Variants in CSMD2 observed in about 807,000 individuals in gnomAD.
CSMD2 encodes the protein CUB and sushi domain-containing protein 2.
Under a neutral mutation model 398.5 loss-of-function variants are expected in CSMD2, and 130 were observed. The observed-to-expected ratio is 0.33, with a 90% CI of 0.28 to 0.38. CSMD2 has a LOEUF of 0.38. CSMD2 is among the 10% of genes least tolerant of loss of function. The pLI is 1.00. For missense variants in CSMD2, 3,829 were observed against 4,764.9 expected (o/e 0.80, Z 5.78); for synonymous variants, 1,828 against 1,908.5 (o/e 0.96, Z 1.10).
chr1:33,654,367 T>A (rs957377462), intron 27 of CSMD2, among the ~76,000 whole-genome samples: 1 of 152,288 alleles, frequency 6.6e-6, no homozygotes, highest in East Asian at 1.9e-4. Context: ...CAAACTCACA[T>A]GGGACTGGCT....
At chr1:33,592,998 G>A (rs1639577189) in intron 44 of CSMD2, among the ~76,000 whole-genome samples, 1 of 151,680 alleles carries the variant, frequency 6.6e-6, no homozygotes, top group South Asian at 2.1e-4. Context: ...CATGATCTTA[G>A]CAGCATTATT....
At chr1:34,106,692 A>G (rs1036138294) in intron 1 of CSMD2, among the ~76,000 whole-genome samples, 1 of 152,202 alleles carries the variant, frequency 6.6e-6, no homozygotes, top group African/African-American at 2.4e-5. Flanking sequence ...GGACCTGGAT[A>G]CAAAACGGGT....
intron 13 of CSMD2, among the ~76,000 whole-genome samples, chr1:33,748,967 C>T (rs905996131): frequency 1.3e-5 from 2 of 151,326 alleles, no homozygotes; most frequent in Admixed American, 1.3e-4. Context: ...GTTCACAGTA[C>T]AAATAAACTA....
intron 66 of CSMD2, 67 bp downstream of exon 66, chr1:33,524,815 G>C: frequency 1.3e-6 from 2 of 1,519,446 alleles, no homozygotes; most frequent in African/African-American, 1.4e-5. Context: ...ATGCCATTAG[G>C]CTCATCCTTG....
At chr1:33,549,885 T>C (rs746851257) in intron 56 of CSMD2, among the ~76,000 whole-genome samples, 2 of 152,200 alleles carry the variant, frequency 1.3e-5, no homozygotes, top group Admixed American at 6.5e-5. Context: ...ATCAAGTGTC[T>C]GGACAGGACT....
At chr1:34,030,207 T>C (rs1650232958) in intron 3 of CSMD2, among the ~76,000 whole-genome samples, 1 of 152,238 alleles carries the variant, frequency 6.6e-6, no homozygotes, top group Admixed American at 6.5e-5. Context: ...TATTCAATTT[T>C]AGTTAATTTA....
rs371468856 is a variant in CSMD2, at chr1:33,537,579, G to A, written c.9662C>T (p.Ser3221Phe). 5.6e-5 allele frequency: 91 copies of A among 1,613,938 alleles called. No homozygotes were observed. The highest frequency in any genetic ancestry group is 7.3e-5 in the Non-Finnish European group (86 of 1,179,964). The change falls in exon 61 of 71, where the codon TCC becomes TTC. Residue 3221 changes from serine to phenylalanine, a missense_variant. Transcript: ENST00000373381. The surrounding 1 kb of genome is among the most constrained non-coding windows in gnomAD (Gnocchi z 4.6). ...PVFCGDPGVPSRGRREDRGFS... is the reference protein window; with the variant it reads ...PVFCGDPGVPFRGRREDRGFS... ...GCCTCGGTCCTCTCTCCTCCCACGG[G>A]ACGGGACACCAGGATCCCCGCAGAA...
intron 1 of CSMD2, among the ~76,000 whole-genome samples, chr1:34,147,815 G>A (rs1458501705): frequency 1.3e-5 from 2 of 152,184 alleles, no homozygotes; most frequent in African/African-American, 4.8e-5. Context: ...TGTCCTCAGC[G>A]CTTCCCTGCA....
At chr1:33,792,216 T>C (rs61799752) in intron 11 of CSMD2, among the ~76,000 whole-genome samples, 26,889 of 152,186 alleles carry the variant, frequency 0.18, 3,071 homozygotes, top group Non-Finnish European at 0.26. Context: ...TCACATTTCA[T>C]ATGAATTCAG....
chr1:33,841,639 C>T (rs1056009952), intron 6 of CSMD2, among the ~76,000 whole-genome samples: 2 of 117,922 alleles, frequency 1.7e-5, no homozygotes, highest in African/African-American at 5.5e-5. Flanking sequence ...CCTACCAGAA[C>T]TGAAAAAAAA....
intron 3 of CSMD2, among the ~76,000 whole-genome samples, chr1:33,989,058 A>G (rs1175619089): frequency 5.0e-5 from 4 of 79,456 alleles, no homozygotes; most frequent in East Asian, 2.9e-4. Context: ...ATATATATAT[A>G]TATATATATA....
intron 5 of CSMD2, among the ~76,000 whole-genome samples, chr1:33,905,305 G>A (rs1474233411): frequency 1.3e-5 from 2 of 152,190 alleles, no homozygotes; most frequent in African/African-American, 4.8e-5. Flanking sequence ...GCTGGACAGA[G>A]AGTGGACGTT....
At chr1:33,620,090 T>C (rs549600077) in intron 37 of CSMD2, among the ~76,000 whole-genome samples, 2 of 152,206 alleles carry the variant, frequency 1.3e-5, no homozygotes, top group Non-Finnish European at 2.9e-5. Context: ...GAAAAGTCCA[T>C]TCTAACTTAT....
At chr1:34,053,391 T>C (rs1041871811) in intron 2 of CSMD2, among the ~76,000 whole-genome samples, 7 of 152,104 alleles carry the variant, frequency 4.6e-5, no homozygotes, top group African/African-American at 1.4e-4. Flanking sequence ...GATGCTTCCA[T>C]GGGTGACTGG....
intron 5 of CSMD2, chr1:33,861,410 C>CA (rs1180587165): frequency 6.6e-6 from 1 of 152,154 alleles, no homozygotes; most frequent in Non-Finnish European, 1.5e-5. Flanking sequence ...TGTGGTTCAC[C>CA]AAGCCTATCA....
At chr1:33,646,480 CA>C (rs141364820) in intron 29 of CSMD2, among the ~76,000 whole-genome samples, 167 bp downstream of exon 29, 8,227 of 152,252 alleles carry the variant, frequency 0.054, 294 homozygotes, top group East Asian at 0.12. Flanking sequence ...AGACTAAGCC[CA>C]GATGGGGGCC....
At chr1:34,095,789 G>A (rs1281398848) in intron 1 of CSMD2, among the ~76,000 whole-genome samples, 1 of 150,666 alleles carries the variant, frequency 6.6e-6, no homozygotes. Context: ...ACCAAAAAGA[G>A]TCCAGGACCA....
chr1:33,895,526 T>C (rs1642324349), intron 5 of CSMD2, among the ~76,000 whole-genome samples: 5 of 152,110 alleles, frequency 3.3e-5, no homozygotes, highest in Admixed American at 2.6e-4. Flanking sequence ...GAGGGAATCA[T>C]GGGTAAGACA....
intron 31 of CSMD2, among the ~76,000 whole-genome samples, chr1:33,634,068 G>A (rs1045915582): frequency 6.6e-6 from 1 of 152,200 alleles, no homozygotes; most frequent in African/African-American, 2.4e-5. Context: ...GCTCTGGGTA[G>A]CAGATCAGAT....
Sources: allele counts gnomAD v4.1 joint callset (sites outside exome capture counted in the v4.1 genomes callset), GRCh38; gene constraint gnomAD v4.1.1; non-coding constraint Gnocchi (gnomAD v3.1); transcripts MANE v1.5; gene names NCBI Gene and HGNC (gene_info 2026-07-23, HGNC 2026-07-21).